EXOC4: variants seen among roughly 807,000 people sequenced by gnomAD.
EXOC4 encodes the protein exocyst complex component 4.
A neutral mutation model predicts 107.2 loss-of-function variants in EXOC4; 71 were observed. The observed-to-expected ratio is 0.66, with a 90% CI of 0.55 to 0.81. The LOEUF is 0.81. Ranked by LOEUF, EXOC4 falls within the 30% of genes least tolerant of loss-of-function variation. The pLI, the probability that EXOC4 is intolerant of heterozygous loss-of-function variation, is 0.00. For synonymous variants in EXOC4, 456 were observed against 441.2 expected, an observed-to-expected ratio of 1.03 and a Z score of -0.42; for missense variants, 1,108 against 1,189.6, an observed-to-expected ratio of 0.93 and a Z score of 1.01.
chr7:133,895,856 A>C, intron 12 of EXOC4, 121 bp downstream of exon 12: 1 of 1,059,720 alleles, frequency 9.4e-7, no homozygotes, highest in Admixed American at 2.3e-5. Context: ...TCAAGAGATG[A>C]GAACATGCAT....
In EXOC4 at chr7:133,895,734, A is replaced by G. The variant is rs1432162226; in HGVS notation, c.1870A>G (p.Arg624Gly). 4 of 1,613,312 alleles carry G rather than the reference A, an allele frequency of 2.5e-6. No homozygotes were observed. In the East Asian group the frequency reaches 6.7e-5, roughly 27 times the overall value. Residue 624 changes from arginine (R) to glycine (G), a missense_variant and splice_region_variant, in exon 12 of 18, where the codon AGG (arginine) becomes GGG (glycine). Arg to Gly is a moderately radical substitution (Grantham distance 125, BLOSUM62 -2). Coordinates refer to ENST00000253861, the MANE Select transcript of EXOC4 (RefSeq NM_021807.4). Reference protein sequence around the residue: ...EYKDTCTAAYRGIVQSEEKLV... With the variant: ...EYKDTCTAAYGGIVQSEEKLV... ...CAAGGACACCTGCACTGCAGCTTAC[A>G]GGTAGAGCTTCTGTTAGGGGCTAAG...
chr7:133,630,589 CAT>C (rs1414487392), intron 10 of EXOC4, among the ~76,000 whole-genome samples: 7 of 152,156 alleles, frequency 4.6e-5, no homozygotes, highest in African/African-American at 1.2e-4. Flanking sequence ...CAACAGGACT[CAT>C]ATGGCCCACA....
At chr7:133,801,610 A>G (rs1266907487) in intron 10 of EXOC4, among the ~76,000 whole-genome samples, 2 of 152,212 alleles carry the variant, frequency 1.3e-5, no homozygotes, top group Non-Finnish European at 2.9e-5. Context: ...TCTCATTAGC[A>G]GGGTAATTGT....
intron 9 of EXOC4, among the ~76,000 whole-genome samples, chr7:133,499,168 G>A (rs775698830): frequency 1.3e-5 from 2 of 149,940 alleles, no homozygotes; most frequent in African/African-American, 2.5e-5. Context: ...GTAGCACATG[G>A]CATACTTACA....
chr7:133,318,064 C>G (rs754266447), intron 5 of EXOC4, among the ~76,000 whole-genome samples: 5 of 152,180 alleles, frequency 3.3e-5, no homozygotes, highest in Non-Finnish European at 7.3e-5. Flanking sequence ...ACTTATTTAT[C>G]TCATGTATTG....
chr7:133,865,689 G>A lies in EXOC4; in HGVS notation c.1735-29910G>A, dbSNP rs541746695. On this transcript the variant is annotated intron_variant, in intron 11 of 17. Coordinates refer to ENST00000253861, the MANE Select transcript of EXOC4 (RefSeq NM_021807.4). ...TACAACCATGACAGAAGGCGAAGGG[G>A]AAGCAGGCACATCTTACCATTGCAG... Among the ~76,000 whole-genome samples the A allele has an allele frequency of 7.7e-4, 118 of 152,268 alleles. 1 individual carries two copies. The highest frequency in any genetic ancestry group is 2.6e-3 in the African/African-American group (106 of 41,560).
At chr7:134,044,622 C>G (rs1795601589) in intron 17 of EXOC4, among the ~76,000 whole-genome samples, 1 of 130,390 alleles carries the variant, frequency 7.7e-6, no homozygotes, top group African/African-American at 3.0e-5. Flanking sequence ...ATCTGAAGGT[C>G]CACTCTGTGA....
chr7:133,654,055 C>T (rs892945268), intron 10 of EXOC4, among the ~76,000 whole-genome samples: 1 of 152,132 alleles, frequency 6.6e-6, no homozygotes, highest in African/African-American at 2.4e-5. Flanking sequence ...AATAGGGTTT[C>T]TAATAGATGG....
chr7:133,838,375 C>T lies in EXOC4; in HGVS notation c.1734+20831C>T, dbSNP rs1797960898. 2.0e-5 allele frequency among the ~76,000 whole-genome samples: 3 copies of T among 152,244 alleles called. No homozygotes were observed. The South Asian group carries it at 6.2e-4, about 32-fold the overall frequency. ...ATGCTGTTTAATAGAAATCTCTCCC[C>T]TTCATCTGCAATATTAATGTGTTCC... On this transcript the variant is annotated intron_variant, in intron 11 of 17. Transcript: ENST00000253861.
intron 9 of EXOC4, among the ~76,000 whole-genome samples, chr7:133,604,527 G>A (rs559823114): frequency 6.6e-6 from 1 of 151,514 alleles, no homozygotes; most frequent in Non-Finnish European, 1.5e-5. Context: ...GACCATCATG[G>A]TATATGCTGT....
chr7:133,577,790 A>T (rs1187377934), intron 9 of EXOC4, among the ~76,000 whole-genome samples: 1 of 152,230 alleles, frequency 6.6e-6, no homozygotes, highest in African/African-American at 2.4e-5. Flanking sequence ...CTCAATACAT[A>T]TTTATTAACT....
chr7:133,284,971 G>T (rs1417642302), intron 2 of EXOC4, among the ~76,000 whole-genome samples: 1 of 151,950 alleles, frequency 6.6e-6, no homozygotes, highest in Non-Finnish European at 1.5e-5. Context: ...TCTTTTTTAG[G>T]TATTTCTATT....
intron 15 of EXOC4, among the ~76,000 whole-genome samples, chr7:134,002,724 T>G (rs1477083698): frequency 2.0e-5 from 3 of 152,198 alleles, no homozygotes; most frequent in Non-Finnish European, 4.4e-5. Context: ...ATGCTCAACA[T>G]CATTAGTCAT....
chr7:133,387,884 C>A (rs746631905), intron 7 of EXOC4, among the ~76,000 whole-genome samples: 2 of 151,654 alleles, frequency 1.3e-5, no homozygotes, highest in Non-Finnish European at 2.9e-5. Context: ...AGTTCATGGG[C>A]AAAGGGGGAC....
intron 9 of EXOC4, among the ~76,000 whole-genome samples, chr7:133,574,994 T>C (rs976233729): frequency 6.6e-6 from 1 of 152,224 alleles, no homozygotes; most frequent in African/African-American, 2.4e-5. Context: ...ATTATCTGTA[T>C]TGGTGATGTG....
intron 17 of EXOC4, among the ~76,000 whole-genome samples, chr7:134,043,854 G>T (rs945993928): frequency 2.0e-5 from 3 of 152,126 alleles, no homozygotes; most frequent in Non-Finnish European, 4.4e-5. Flanking sequence ...AGAAGGACAG[G>T]CTGAGGCTTA....
intron 10 of EXOC4, among the ~76,000 whole-genome samples, chr7:133,812,603 A>G (rs1041707461): frequency 1.7e-5 from 2 of 118,498 alleles, no homozygotes; most frequent in Non-Finnish European, 3.8e-5. Context: ...ACTTTTTTTC[A>G]TTTTTCATTT....
rs375355028 is a variant in EXOC4, at chr7:133,317,385, C to T, written c.758C>T (p.Ser253Leu). 3.1e-6 allele frequency: 5 copies of T among 1,595,022 alleles called. No individual in the cohort carries two copies. The highest frequency in any genetic ancestry group is 4.3e-6 in the Non-Finnish European group (5 of 1,162,924). The change falls in exon 5 of 18, where the codon TCA (serine) becomes TTA (leucine). Residue 253 changes from serine to leucine, a missense_variant. Transcript: ENST00000253861. ...DTSHYSTAGS[S>L]SVREINLQDI... The stretch of plus-strand genomic sequence containing the variant: ...TCTCACTATTCTACTGCTGGAAGCT[C>T]AAGTGGTAAGTATTTAATTCTTCAG...
At chr7:133,659,250 G>C (rs1256844599) in intron 10 of EXOC4, among the ~76,000 whole-genome samples, 1 of 152,000 alleles carries the variant, frequency 6.6e-6, no homozygotes. Context: ...GTGGATAGTA[G>C]TAGTGGCAGC....
Sources: gnomAD v4.1 joint callset for allele counts (sites outside exome capture counted in the v4.1 genomes callset) on GRCh38, gnomAD v4.1.1 for gene constraint, MANE v1.5 for transcripts, NCBI Gene and HGNC (gene_info 2026-07-23, HGNC 2026-07-21) for gene names.